KRCC1: variants seen among roughly 807,000 people sequenced by gnomAD.
The protein encoded by KRCC1 is lysine-rich coiled-coil protein 1.
In KRCC1, 3 loss-of-function variants were observed where a neutral mutation model predicts 7.4. That is an observed-to-expected ratio of 0.40 (90% confidence interval 0.18 to 1.04). The LOEUF is 1.04. Ranked by LOEUF, KRCC1 falls within the 50% of genes least tolerant of loss-of-function variation. The probability of loss-of-function intolerance (pLI) is 0.33; values close to 1 mark genes in which losing one functional copy is unlikely to be tolerated. For missense variants in KRCC1, 277 were observed against 300.9 expected (o/e 0.92, Z 0.59); for synonymous variants, 102 against 101.6 (o/e 1.00, Z -0.02).
chr2:88,028,642 C>CTAT (rs1419047999), intron 3 of KRCC1, 57 bp from the exon 4 acceptor site: 428 of 681,612 alleles, frequency 6.3e-4, no homozygotes, highest in Non-Finnish European at 8.4e-4. Context: ...ATTTCCTTTG[C>CTAT]TCTTTTTTTT....
intron 1 of KRCC1, among the ~76,000 whole-genome samples, chr2:88,044,246 A>C (rs1312208189): frequency 6.6e-6 from 1 of 152,126 alleles, no homozygotes; most frequent in Non-Finnish European, 1.5e-5. Context: ...TGTTTTACAT[A>C]TCTCTCCATT....
At chr2:88,031,098 T>TA (rs1413434229) in intron 3 of KRCC1, among the ~76,000 whole-genome samples, 13 of 149,664 alleles carry the variant, frequency 8.7e-5, no homozygotes, top group Admixed American at 2.0e-4. Flanking sequence ...TTCTCCTTAT[T>TA]AAAAAAAAAA....
chr2:88,036,386 A>T (rs1184028922), intron 2 of KRCC1, among the ~76,000 whole-genome samples: 1 of 152,226 alleles, frequency 6.6e-6, no homozygotes, highest in Non-Finnish European at 1.5e-5. Context: ...GATCTCATTT[A>T]TTGGCTTAGT....
chr2:88,047,176 T>C (rs1312270224), intron 1 of KRCC1, among the ~76,000 whole-genome samples: 2 of 152,364 alleles, frequency 1.3e-5, no homozygotes, highest in Non-Finnish European at 2.9e-5. Context: ...ACCTACCTTT[T>C]AGAAACAGCA....
In KRCC1 at chr2:88,027,743, A is replaced by C; in HGVS notation, c.*41T>G. 6.6e-7 allele frequency: 1 copy of C among 1,525,474 alleles called. No homozygotes were observed. Among genetic ancestry groups the C allele is most frequent in the Non-Finnish European group, 8.8e-7 (1 of 1,139,218 alleles). The allele number at this position is 1,525,474 out of a possible 1,614,324, so 94.5% of individuals were successfully genotyped here. A position where few individuals can be genotyped will look rare whatever the true frequency, so the allele number is the denominator to read the frequency against. On this transcript the variant is annotated 3_prime_UTR_variant, in exon 4 of 4. Transcript: ENST00000347055. The stretch of plus-strand genomic sequence containing the variant: ...ATATCATAAAACCAAGCTCTCACCT[A>C]TTTTTTCAATTTAACTTTGGGAGAA...
At chr2:88,047,662 G>C (rs1173777493) in intron 1 of KRCC1, among the ~76,000 whole-genome samples, 1 of 152,022 alleles carries the variant, frequency 6.6e-6, no homozygotes, top group African/African-American at 2.4e-5. Context: ...CCGAGTAGCT[G>C]GGACTACAGG....
intron 3 of KRCC1, 26 bp from the exon 4 acceptor site, chr2:88,028,611 C>T: frequency 8.0e-7 from 1 of 1,256,902 alleles, no homozygotes. Flanking sequence ...AAAATTCTTA[C>T]CAGATCATCT....
At position 88,041,281 on chromosome 2, in the gene KRCC1, C is replaced by T. The variant is rs577096434; in HGVS notation, c.-290-4230G>A. On this transcript the variant is annotated intron_variant, in intron 1 of 3. Coordinates refer to ENST00000347055, the MANE Select transcript of KRCC1 (RefSeq NM_016618.3). ...AGACAATTCTAAGGCCTTGATCCTG[C>T]GTAAAGTTATCTTTGACAGAGAAAG... Among the ~76,000 whole-genome samples, 10 of 152,146 alleles carry T rather than the reference C, an allele frequency of 6.6e-5. No individual in the cohort carries two copies. The East Asian group carries it at 1.7e-3, about 26-fold the overall frequency.
chr2:88,039,879 T>A (rs1442147941), intron 1 of KRCC1, among the ~76,000 whole-genome samples: 2 of 151,896 alleles, frequency 1.3e-5, no homozygotes, highest in Non-Finnish European at 2.9e-5. Context: ...CCATTAAAAA[T>A]CTTGGTTTGG....
intron 1 of KRCC1, among the ~76,000 whole-genome samples, chr2:88,046,672 T>C (rs1673341948): frequency 6.6e-6 from 1 of 152,194 alleles, no homozygotes; most frequent in Admixed American, 6.5e-5. Context: ...TGAACCAACT[T>C]TCTGTTTGGT....
At chr2:88,049,219 T>C (rs923566092) in intron 1 of KRCC1, among the ~76,000 whole-genome samples, 31 of 152,264 alleles carry the variant, frequency 2.0e-4, no homozygotes, top group African/African-American at 7.5e-4. Flanking sequence ...AGTCTTTGAA[T>C]GCCAATAATC....
chr2:88,038,057 T>A (rs181721949), intron 1 of KRCC1, among the ~76,000 whole-genome samples: 1 of 152,338 alleles, frequency 6.6e-6, no homozygotes, highest in East Asian at 1.9e-4. Flanking sequence ...TGTAATGTCA[T>A]GGAGAAATGC....
At chr2:88,039,917 C>A (rs1673171098) in intron 1 of KRCC1, among the ~76,000 whole-genome samples, 1 of 151,794 alleles carries the variant, frequency 6.6e-6, no homozygotes, top group African/African-American at 2.4e-5. Flanking sequence ...GTAGTACCAA[C>A]ACTTTGGGAG....
chr2:88,051,224 C>G (rs941528090), intron 1 of KRCC1, among the ~76,000 whole-genome samples: 1 of 152,140 alleles, frequency 6.6e-6, no homozygotes, highest in Non-Finnish European at 1.5e-5. Flanking sequence ...CCATGAACAA[C>G]CTTTGCCAAT....
intron 1 of KRCC1, among the ~76,000 whole-genome samples, chr2:88,047,101 A>AT (rs1673353093): frequency 6.6e-6 from 1 of 152,246 alleles, no homozygotes; most frequent in African/African-American, 2.4e-5. Context: ...AAAGAGCTTC[A>AT]TATCTTAAAT....
At chr2:88,029,599 T>C (rs908890762) in intron 3 of KRCC1, among the ~76,000 whole-genome samples, 3 of 151,838 alleles carry the variant, frequency 2.0e-5, no homozygotes, top group Non-Finnish European at 4.4e-5. Flanking sequence ...TCTCTTAAAG[T>C]ACTGGTGAGA....
chr2:88,032,577 T>C (rs1047448815), intron 3 of KRCC1, among the ~76,000 whole-genome samples: 3 of 152,206 alleles, frequency 2.0e-5, no homozygotes, highest in Non-Finnish European at 4.4e-5. Context: ...AACGGACACA[T>C]GACTGGGTGT....
chr2:88,037,874 T>A (rs979961120), intron 1 of KRCC1, among the ~76,000 whole-genome samples: 14 of 152,350 alleles, frequency 9.2e-5, no homozygotes, highest in African/African-American at 3.4e-4. Context: ...CTTAATGAAT[T>A]ATCTATGCCA....
At chr2:88,038,395 C>T (rs1673138075) in intron 1 of KRCC1, among the ~76,000 whole-genome samples, 1 of 152,226 alleles carries the variant, frequency 6.6e-6, no homozygotes, top group South Asian at 2.1e-4. Context: ...AACCCAGAAT[C>T]TATGAGACAT....
Sources: allele counts gnomAD v4.1 joint callset (sites outside exome capture counted in the v4.1 genomes callset), GRCh38; gene constraint gnomAD v4.1.1; transcripts MANE v1.5; gene names NCBI Gene and HGNC (gene_info 2026-07-23, HGNC 2026-07-21).